Variants in ZGPAT observed in about 807,000 individuals in gnomAD.
The protein encoded by ZGPAT is zinc finger CCCH-type with G patch domain-containing protein.
In ZGPAT, 39 loss-of-function variants were observed where a neutral mutation model predicts 47.9. The observed-to-expected ratio is 0.81, with a 90% CI of 0.63 to 1.06. The LOEUF (loss-of-function observed/expected upper bound fraction) is 1.06, where lower values mean the gene tolerates loss of function less well. Ranked by LOEUF, ZGPAT falls within the 50% of genes least tolerant of loss-of-function variation. ZGPAT has a pLI of 0.00. For synonymous variants in ZGPAT, 348 were observed against 292.9 expected (o/e 1.19, Z -1.92); for missense variants, 717 against 681.4 (o/e 1.05, Z -0.58).
In ZGPAT at chr20:63,708,932, C is replaced by CAGGAGGAGGAAGAGGGAG; in HGVS notation, c.357_374dup (p.Glu119_Glu124dup). The CAGGAGGAGGAAGAGGGAG allele has an allele frequency of 1.2e-6, 2 of 1,612,482 alleles. No homozygotes were observed. The highest frequency in any genetic ancestry group is 1.7e-6 in the Non-Finnish European group (2 of 1,179,806). On this transcript the variant is annotated inframe_insertion, in exon 2 of 7. Coordinates refer to ENST00000355969, the MANE Select transcript of ZGPAT (RefSeq NM_181485.3). ...GGGGCCAGAATCTGCGGCAGGTGGGCAGGAGGAGGAAGAGGGAGAGGACGA... is the reference window on the plus strand; with the variant it reads ...GGGGCCAGAATCTGCGGCAGGTGGGCAGGAGGAGGAAGAGGGAGAGGAGGAGGAAGAGGGAGAGGACGA...
chr20:63,730,964 CTCTCTCTGTGTGTGTG>C (rs1218670786), intron 2 of ZGPAT, among the ~76,000 whole-genome samples: 121 of 87,638 alleles, frequency 1.4e-3, no homozygotes, highest in African/African-American at 7.0e-3. Context: ...CTCTCTCTCT[CTCTCTCTGTGTGTGTG>C]TGTGTGTGTG....
Position 63,733,657 on chromosome 20 carries a change from C to T in ZGPAT, c.789C>T (p.Asp263=), listed in dbSNP as rs375872989. The T allele has an allele frequency of 6.0e-5, 97 of 1,613,876 alleles. No homozygotes were observed. The African/African-American group carries it at 7.7e-4, about 13-fold the overall frequency. The change falls in exon 4 of 7, where the codon GAC becomes GAT. Residue 263 remains aspartate, a synonymous_variant. Transcript: ENST00000355969. ...TGAGGGAGGCCGTGGTGGAGGGGGACGGCATCCTGCCCCCACTGCGCACAG... is the reference window on the plus strand; with the variant it reads ...TGAGGGAGGCCGTGGTGGAGGGGGATGGCATCCTGCCCCCACTGCGCACAG... ...LLLREAVVEG[D]GILPPLRTEA...
At chr20:63,726,489 G>A (rs1050463440) in intron 2 of ZGPAT, among the ~76,000 whole-genome samples, 3 of 142,036 alleles carry the variant, frequency 2.1e-5, no homozygotes, top group Non-Finnish European at 4.5e-5. Context: ...GCATGAGCCC[G>A]GCCTTGAATT....
Position 63,735,973 on chromosome 20 carries a change from AG to A in ZGPAT, c.*56del. On this transcript the variant is annotated 3_prime_UTR_variant, in exon 7 of 7. Transcript: ENST00000355969. ...TGGGACCCCAGCACGGGCTGCCCTCAGGAAGACCAGTGTTGCCCGAGGAGGG... is the reference window on the plus strand; with the variant it reads ...TGGGACCCCAGCACGGGCTGCCCTCAGAAGACCAGTGTTGCCCGAGGAGGG... The A allele has an allele frequency of 6.4e-7, 1 of 1,574,328 alleles. No homozygotes were observed. The highest frequency in any genetic ancestry group is 8.6e-7 in the Non-Finnish European group (1 of 1,157,170).
At chr20:63,719,546 CT>C (rs2091766230) in intron 2 of ZGPAT, among the ~76,000 whole-genome samples, 1 of 151,988 alleles carries the variant, frequency 6.6e-6, no homozygotes, top group Non-Finnish European at 1.5e-5. Flanking sequence ...CTTCTCAAAT[CT>C]GCTGTTGAAA....
At chr20:63,732,435 G>A (rs537303544) in intron 2 of ZGPAT, among the ~76,000 whole-genome samples, 13 of 42,678 alleles carry the variant, frequency 3.0e-4, no homozygotes, top group East Asian at 1.8e-3. Context: ...AGATGTGTGC[G>A]CATGTGTGTA....
chr20:63,709,547 G>A (rs1389921942), intron 2 of ZGPAT, among the ~76,000 whole-genome samples: 1 of 152,184 alleles, frequency 6.6e-6, no homozygotes, highest in African/African-American at 2.4e-5. Context: ...TGAGGCAGGA[G>A]AATTGGTTGA....
At chr20:63,717,198 A>G (rs2091737861) in intron 2 of ZGPAT, among the ~76,000 whole-genome samples, 1 of 151,152 alleles carries the variant, frequency 6.6e-6, no homozygotes, top group Admixed American at 6.6e-5. Context: ...TTGTTTTCCC[A>G]TTCTGTTTCA....
chr20:63,722,812 G>C (rs1485693589), intron 2 of ZGPAT, among the ~76,000 whole-genome samples: 1 of 152,042 alleles, frequency 6.6e-6, no homozygotes. Flanking sequence ...TGTATTTTTA[G>C]TAGAGATGAG....
intron 2 of ZGPAT, among the ~76,000 whole-genome samples, chr20:63,725,081 T>C (rs1601333346): frequency 6.7e-6 from 1 of 149,720 alleles, no homozygotes; most frequent in Non-Finnish European, 1.5e-5. Flanking sequence ...GCCTCCCGGG[T>C]TCACGCCATT....
intron 2 of ZGPAT, among the ~76,000 whole-genome samples, chr20:63,728,940 T>TTC (rs2091870068): frequency 6.6e-6 from 1 of 152,250 alleles, no homozygotes; most frequent in South Asian, 2.1e-4. Flanking sequence ...TCTCAGTGAG[T>TTC]TCTCAGCTTT....
Position 63,708,574 on chromosome 20 carries a change from T to C in ZGPAT, c.-7T>C. ...GCAGCCCTGGTCCAGCGCCTCCCTC[T>C]CTCAGCATGGACGAGGAGAGCCTGG... On this transcript the variant is annotated 5_prime_UTR_variant, in exon 2 of 7. Transcript: ENST00000355969. 1 of 1,580,922 alleles carries C rather than the reference T, an allele frequency of 6.3e-7. No individual in the cohort carries two copies. The highest frequency in any genetic ancestry group is 8.6e-7 in the Non-Finnish European group (1 of 1,159,302).
At chr20:63,720,772 C>T (rs548183467) in intron 2 of ZGPAT, among the ~76,000 whole-genome samples, 4 of 152,210 alleles carry the variant, frequency 2.6e-5, no homozygotes, top group South Asian at 2.1e-4. Flanking sequence ...TCTTTATTTC[C>T]GGTGAATGGG....
chr20:63,710,066 T>C (rs1405899165), intron 2 of ZGPAT, among the ~76,000 whole-genome samples: 1 of 151,960 alleles, frequency 6.6e-6, no homozygotes, highest in Non-Finnish European at 1.5e-5. Flanking sequence ...TTCACCATGT[T>C]AGCCAGGATG....
At chr20:63,731,443 TAC>T (rs1217435804) in intron 2 of ZGPAT, among the ~76,000 whole-genome samples, 1 of 150,960 alleles carries the variant, frequency 6.6e-6, no homozygotes, top group African/African-American at 2.4e-5. Flanking sequence ...GTGTAAAGTG[TAC>T]AGTTGGTCCT....
At position 63,729,046 on chromosome 20, in the gene ZGPAT, T is replaced by C. The variant is rs537614241; in HGVS notation, c.585-4173T>C. On this transcript the variant is annotated intron_variant, in intron 2 of 6. Coordinates refer to ENST00000355969, the MANE Select transcript of ZGPAT (RefSeq NM_181485.3). ...TTTTTCTTTTTTTCTTTTTTTTTTT[T>C]TTTGAGATGGAGTCTCACTTCGTCA... Among the ~76,000 whole-genome samples the C allele has an allele frequency of 3.3e-4, 50 of 151,684 alleles. 1 individual carries two copies. The highest frequency in any genetic ancestry group is 5.9e-4 in the Non-Finnish European group (40 of 67,854).
At chr20:63,725,174 T>C (rs929845547) in intron 2 of ZGPAT, among the ~76,000 whole-genome samples, 4 of 152,100 alleles carry the variant, frequency 2.6e-5, no homozygotes, top group Non-Finnish European at 4.4e-5. Context: ...TTAGGAGAGA[T>C]GGGGTTTCAC....
intron 5 of ZGPAT, 71 bp from the exon 6 acceptor site, chr20:63,735,088 C>T: frequency 6.9e-7 from 1 of 1,456,536 alleles, no homozygotes; most frequent in East Asian, 2.5e-5. Flanking sequence ...GGCCACAGCA[C>T]TGCCATCCCC....
intron 2 of ZGPAT, 112 bp from the exon 3 acceptor site, chr20:63,733,107 T>A: frequency 7.1e-7 from 1 of 1,407,228 alleles, no homozygotes; most frequent in Non-Finnish European, 9.7e-7. Flanking sequence ...TACGCACGCG[T>A]GTGTGTCTGT....
Sources: gnomAD v4.1 joint callset for allele counts (sites outside exome capture counted in the v4.1 genomes callset) on GRCh38, gnomAD v4.1.1 for gene constraint, MANE v1.5 for transcripts, NCBI Gene and HGNC (gene_info 2026-07-23, HGNC 2026-07-21) for gene names.